The following RAD51AP2 variants were observed in gnomAD, a reference collection of about 807,000 sequenced individuals.
RAD51AP2 encodes RAD51 associated protein 2.
RAD51AP2 carries 67 observed loss-of-function variants against 85.5 expected under a neutral mutation model. That is an observed-to-expected ratio of 0.78 (90% CI 0.64 to 0.96). RAD51AP2 has a LOEUF of 0.96. RAD51AP2 is among the 40% of genes least tolerant of loss of function. RAD51AP2 has a pLI of 0.00. For missense variants in RAD51AP2, 1,307 were observed against 1,332.4 expected (o/e 0.98, Z 0.30); for synonymous variants, 474 against 446.5 (o/e 1.06, Z -0.78).
rs755524514 is a variant in RAD51AP2, at chr2:17,517,407, G to A, written c.1009C>T (p.Gln337Ter). The change falls in exon 1 of 3, where the codon CAA becomes TAA. Residue 337 changes from glutamine to a stop codon, truncating the protein, a stop_gained. Coordinates refer to ENST00000399080, the MANE Select transcript of RAD51AP2 (RefSeq NM_001099218.3). LOFTEE classifies it high-confidence loss of function. ...AAGTCTTTTCTCTTACAAGTATTTT[G>A]GCTACTGAGTGATGGGTAGTCATTT... ...YENDYPSLSS[Q>*]NTCKRKDLIS... 1.2e-6 allele frequency: 2 copies of A among 1,613,498 alleles called. No homozygotes were observed.
At chr2:17,531,430 C>T in the RAD51AP2 span, among the ~76,000 whole-genome samples, 3 of 152,150 alleles carry the variant, frequency 2.0e-5, no homozygotes, top group Non-Finnish European at 4.4e-5. Flanking sequence ...CTACAATCTA[C>T]ACAACCAGAA....
Position 17,518,369 on chromosome 2 carries a change from G to C in RAD51AP2, c.47C>G (p.Pro16Arg), listed in dbSNP as rs762739305. The C allele has an allele frequency of 1.2e-6, 2 of 1,613,594 alleles. No homozygotes were observed. Among genetic ancestry groups the C allele is most frequent in the Non-Finnish European group, 1.7e-6 (2 of 1,179,834 alleles). The change falls in exon 1 of 3, where the codon CCT becomes CGT. Residue 16 changes from proline (P) to arginine (R), a missense_variant. Physicochemically the swap from Pro to Arg is moderately radical, Grantham distance 103. Transcript: ENST00000399080. ...CTCAGGAGGCGTTAAAGAGGAGGTA[G>C]GCTTTCTGAGCTCGGCCATCCGCGG... ...PTPRMAELRKPTSSLTPPEDP... is the reference protein window; with the variant it reads ...PTPRMAELRKRTSSLTPPEDP...
rs1662700262 is a variant in RAD51AP2, at chr2:17,517,015, T to C, written c.1401A>G (p.Leu467=). 2.5e-6 allele frequency: 4 copies of C among 1,603,176 alleles called. No homozygotes were observed. Among genetic ancestry groups the C allele is most frequent in the South Asian group, 1.1e-5 (1 of 87,728 alleles). The change falls in exon 1 of 3, where the codon TTA becomes TTG. Residue 467 remains leucine (L), a synonymous_variant. Coordinates refer to ENST00000399080, the MANE Select transcript of RAD51AP2 (RefSeq NM_001099218.3). ...EQSKLLVREI[L]GSQTALITTV... ...TCGTTATTAAAGCTGTCTGACTACC[T>C]AATATTTCTCTTACGAGAAGCTTTG...
In RAD51AP2 at chr2:17,517,372, T is replaced by C. The variant is rs1413342010; in HGVS notation, c.1044A>G (p.Ser348=). The change falls in exon 1 of 3, where the codon TCA becomes TCG. Residue 348 remains serine, a synonymous_variant. Transcript: ENST00000399080. ...NTCKRKDLIS[S]NYCNCSSIQC... is the part of the protein sequence containing the mutation. ...GGATACTACTGCAGTTACAGTAGTT[T>C]GAACTGATCAAGTCTTTTCTCTTAC... The C allele has an allele frequency of 1.9e-6, 3 of 1,613,840 alleles. No homozygotes were observed. The highest frequency in any genetic ancestry group is 4.5e-5 in the East Asian group (2 of 44,872).
chr2:17,515,219 C>A lies in RAD51AP2; in HGVS notation c.3197G>T (p.Cys1066Phe), dbSNP rs774429608. ...NGEQEVPNESCYPSRSEEELL... is the reference protein window; with the variant it reads ...NGEQEVPNESFYPSRSEEELL... The stretch of plus-strand genomic sequence containing the variant: ...TTCTTCCTCTGATCTACTTGGATAA[C>A]AACTCTCATTAGGAACTTCCTGTTC... The change falls in exon 1 of 3, where the codon TGT becomes TTT. Residue 1066 changes from cysteine to phenylalanine, a missense_variant. Around this residue, in one of 3 missense-constraint regions of RAD51AP2, gnomAD observed 668 missense variants for 671.0 expected, o/e 1.00. Transcript: ENST00000399080. 9 of 1,603,746 alleles carry A rather than the reference C, an allele frequency of 5.6e-6. No homozygotes were observed. The highest frequency in any genetic ancestry group is 7.7e-6 in the Non-Finnish European group (9 of 1,176,212).
intron 2 of RAD51AP2, among the ~76,000 whole-genome samples, 187 bp downstream of exon 2, chr2:17,513,825 T>C (rs1342894856): frequency 6.6e-6 from 1 of 152,212 alleles, no homozygotes; most frequent in Non-Finnish European, 1.5e-5. Context: ...ATATTCTAAA[T>C]AGCATTTTAA....
At chr2:17,537,521 T>G in the RAD51AP2 span, among the ~76,000 whole-genome samples, 1 of 152,220 alleles carries the variant, frequency 6.6e-6, no homozygotes, top group Non-Finnish European at 1.5e-5. Flanking sequence ...AATAATGACT[T>G]TCAAGTTTTC....
chr2:17,510,915 A>G lies in RAD51AP2; in HGVS notation c.3369T>C (p.Leu1123=), dbSNP rs145807967. 45 of 1,607,538 alleles carry G rather than the reference A, an allele frequency of 2.8e-5. No homozygotes were observed. The Middle Eastern group carries it at 8.3e-4, about 30-fold the overall frequency. Reference sequence around the variant, plus strand: ...TCCTGATTGGCCTACTGCATGTCTTAAGCGGTCGTACTCTTGAAATGCCAT... The same window carrying G: ...TCCTGATTGGCCTACTGCATGTCTTGAGCGGTCGTACTCTTGAAATGCCAT... The part of the protein sequence containing the change: ...FPHGISRVRP[L]KTCSRPIRIG... The change falls in exon 3 of 3, where the codon CTT becomes CTC. Residue 1123 remains leucine, a synonymous_variant. Coordinates refer to ENST00000399080, the MANE Select transcript of RAD51AP2 (RefSeq NM_001099218.3).
At chr2:17,520,127 C>G (rs780406528), upstream of RAD51AP2, among the ~76,000 whole-genome samples, 14 of 152,030 alleles carry the variant, frequency 9.2e-5, no homozygotes, top group Non-Finnish European at 1.6e-4. Context: ...ACATGTAACT[C>G]AACAATTGTT....
rs1404974531 is a variant in RAD51AP2, at chr2:17,517,566, C to T, written c.850G>A (p.Asp284Asn). The change falls in exon 1 of 3, where the codon GAC (aspartate) becomes AAC (asparagine). Residue 284 changes from aspartate (D) to asparagine (N), a missense_variant. Physicochemically the swap from Asp to Asn is conservative, Grantham distance 23. Transcript: ENST00000399080. ...YLKEIAKKKN[D>N]KKEAYVRDFT... ...TCCCTAACATATGCCTCTTTTTTGTCATTCTTTTTCTTCGCTATTTCCTTT... is the reference window on the plus strand; with the variant it reads ...TCCCTAACATATGCCTCTTTTTTGTTATTCTTTTTCTTCGCTATTTCCTTT... 4 of 1,612,482 alleles carry T rather than the reference C, an allele frequency of 2.5e-6. No individual in the cohort carries two copies. The highest frequency in any genetic ancestry group is 2.2e-5 in the South Asian group (2 of 90,612).
chr2:17,522,994 TG>T (rs1350866930), upstream of RAD51AP2, among the ~76,000 whole-genome samples: 3 of 151,942 alleles, frequency 2.0e-5, no homozygotes, highest in Non-Finnish European at 2.9e-5. Context: ...GAATAGTAGT[TG>T]GAGGAGTAGA....
Position 17,518,230 on chromosome 2 carries a change from T to G in RAD51AP2, c.186A>C (p.Lys62Asn), listed in dbSNP as rs1223207282. 1.9e-6 allele frequency: 3 copies of G among 1,614,134 alleles called. No homozygotes were observed. The South Asian group carries it at 3.3e-5, about 18-fold the overall frequency. Residue 62 changes from lysine (K) to asparagine (N), a missense_variant, in exon 1 of 3, where the codon AAA becomes AAC. Physicochemically the swap from Lys to Asn is moderately conservative, Grantham distance 94. Transcript: ENST00000399080. ...AGGGTCTAGGGGACAACTCCCAGACTTTTTCCGCCTCAGACAAGCGAGGCA... is the reference window on the plus strand; with the variant it reads ...AGGGTCTAGGGGACAACTCCCAGACGTTTTCCGCCTCAGACAAGCGAGGCA... ...PLVPRLSEAEKVWELSPRPFK... is the reference protein window; with the variant it reads ...PLVPRLSEAENVWELSPRPFK...
At chr2:17,527,077 A>T in the RAD51AP2 span, among the ~76,000 whole-genome samples, 3 of 152,170 alleles carry the variant, frequency 2.0e-5, no homozygotes, top group Non-Finnish European at 2.9e-5. Context: ...GACAGCCAAT[A>T]TAGAGTAGTA....
chr2:17,516,859 A>G lies in RAD51AP2; in HGVS notation c.1557T>C (p.Ser519=). Reference sequence around the variant, plus strand: ...TATTATCTTTTTTATTTCCTGAAATACTTTTATGGAAATAAAAAATTTCTA... The same window carrying G: ...TATTATCTTTTTTATTTCCTGAAATGCTTTTATGGAAATAAAAAATTTCTA... ...FIIEIFYFHK[S]ISGNKKDNSI... Residue 519 remains serine, a synonymous_variant, in exon 1 of 3, where the codon AGT becomes AGC. Transcript: ENST00000399080. 1 of 1,550,380 alleles carries G rather than the reference A, an allele frequency of 6.5e-7. No homozygotes were observed. The highest frequency in any genetic ancestry group is 2.3e-5 in the East Asian group (1 of 43,184).
Position 17,517,946 on chromosome 2 carries a change from T to A in RAD51AP2, c.470A>T (p.Gln157Leu). The A allele has an allele frequency of 6.2e-7, 1 of 1,614,214 alleles. No homozygotes were observed. The highest frequency in any genetic ancestry group is 2.2e-5 in the East Asian group (1 of 44,886). ...RSNSSKAGVS[Q>L]LLPSTSIHDI... The stretch of plus-strand genomic sequence containing the variant: ...GTGTATAGAGGTGCTGGGCAGAAGT[T>A]GACTAACCCCTGCTTTGGAGCTATT... Residue 157 changes from glutamine (Q) to leucine (L), a missense_variant, in exon 1 of 3, where the codon CAA becomes CTA. Physicochemically the swap from Gln to Leu is moderately radical, Grantham distance 113. Coordinates refer to ENST00000399080, the MANE Select transcript of RAD51AP2 (RefSeq NM_001099218.3).
rs1194404428 is a variant in RAD51AP2, at chr2:17,516,902, G to T, written c.1514C>A (p.Pro505His). ...TTQKVFHVNN[P>H]FESFIIEIFY... Reference sequence around the variant, plus strand: ...AATTTCTATAATGAAACTTTCAAAAGGGTTGTTCACATGAAAGACTTTTTG... The same window carrying T: ...AATTTCTATAATGAAACTTTCAAAATGGTTGTTCACATGAAAGACTTTTTG... The change falls in exon 1 of 3, where the codon CCT becomes CAT. Residue 505 changes from proline to histidine, a missense_variant. By Grantham distance (77) the Pro-to-His change is moderately conservative. Around this residue, in one of 3 missense-constraint regions of RAD51AP2, gnomAD observed 635 missense variants for 643.6 expected, o/e 0.99. Transcript: ENST00000399080. 2 of 1,587,536 alleles carry T rather than the reference G, an allele frequency of 1.3e-6. No homozygotes were observed. The highest frequency in any genetic ancestry group is 3.6e-5 in the Admixed American group (2 of 55,496).
At chr2:17,514,539 G>A (rs973065886) in intron 1 of RAD51AP2, among the ~76,000 whole-genome samples, 1 of 128,698 alleles carries the variant, frequency 7.8e-6, no homozygotes, top group Non-Finnish European at 1.9e-5. Context: ...AGGGCGGCGG[G>A]GGGGGTGGAT....
chr2:17,518,519 C>T (rs1662777736), upstream of RAD51AP2: 4 of 1,428,584 alleles, frequency 2.8e-6, no homozygotes, highest in Non-Finnish European at 3.8e-6. Context: ...CCCTCAAGAC[C>T]TGGCCTTAGC....
chr2:17,530,077 G>T, the RAD51AP2 span, among the ~76,000 whole-genome samples: 1 of 152,146 alleles, frequency 6.6e-6, no homozygotes, highest in Non-Finnish European at 1.5e-5. Context: ...GAACAAGAGT[G>T]TCACCATAAC....
Sources: allele counts gnomAD v4.1 joint callset (sites outside exome capture counted in the v4.1 genomes callset), GRCh38; gene constraint gnomAD v4.1.1; regional missense constraint gnomAD v4.1.1; transcripts MANE v1.5; gene names NCBI Gene and HGNC (gene_info 2026-07-23, HGNC 2026-07-21).